MECOM: variants seen among roughly 807,000 people sequenced by gnomAD.
MECOM encodes MDS1 and EVI1 complex locus.
In MECOM, 13 loss-of-function variants were observed where a neutral mutation model predicts 116.3. That is an observed-to-expected ratio of 0.11 (90% confidence interval 0.07 to 0.18). The LOEUF is 0.18. MECOM is among the 10% of genes least tolerant of loss of function. The pLI is 1.00. For missense variants in MECOM, 1,299 were observed against 1,509.0 expected, an observed-to-expected ratio of 0.86 and a Z score of 2.31; for synonymous variants, 528 against 535.2, an observed-to-expected ratio of 0.99 and a Z score of 0.19.
intron 2 of MECOM, among the ~76,000 whole-genome samples, chr3:169,337,770 C>T (rs1723817114): frequency 6.6e-6 from 1 of 152,158 alleles, no homozygotes; most frequent in African/African-American, 2.4e-5. Flanking sequence ...TTGCCCCCTG[C>T]TTGACCTCCA....
At position 169,233,641 on chromosome 3, in the gene MECOM, G is replaced by A. The variant is rs1033495202; in HGVS notation, c.376-89809C>T. ...AGCACTCTCTAAAGCTCACTCGACTGTCTTTTTTATTTCTCTGCCAGTGAA... is the reference window on the plus strand; with the variant it reads ...AGCACTCTCTAAAGCTCACTCGACTATCTTTTTTATTTCTCTGCCAGTGAA... On this transcript the variant is annotated intron_variant, in intron 2 of 16. Transcript: ENST00000651503. 2.0e-5 allele frequency among the ~76,000 whole-genome samples: 3 copies of A among 152,184 alleles called. No homozygotes were observed. In the East Asian group the frequency reaches 5.8e-4, roughly 29 times the overall value.
chr3:169,352,232 G>T (rs1726449279), intron 2 of MECOM, among the ~76,000 whole-genome samples: 1 of 151,838 alleles, frequency 6.6e-6, no homozygotes, highest in Admixed American at 6.6e-5. Flanking sequence ...AAATAATTGA[G>T]TTCTAATAGA....
chr3:169,093,134 G>C, intron 13 of MECOM, 32 bp from the exon 14 acceptor site: 1 of 1,551,808 alleles, frequency 6.4e-7, no homozygotes, highest in Non-Finnish European at 8.7e-7. Flanking sequence ...TTATGACAAA[G>C]ATTATTGTTT....
intron 1 of MECOM, among the ~76,000 whole-genome samples, chr3:169,408,937 A>G (rs1737134306): frequency 6.6e-6 from 1 of 152,228 alleles, no homozygotes; most frequent in Non-Finnish European, 1.5e-5. Context: ...CACAGCTAGC[A>G]TGGTGTTTCC....
At chr3:169,433,693 A>AAGAAAGAAAGAAAG (rs1560269065) in intron 1 of MECOM, among the ~76,000 whole-genome samples, 58 of 136,682 alleles carry the variant, frequency 4.2e-4, no homozygotes, top group East Asian at 8.6e-4. Flanking sequence ...AAGAAAGAGA[A>AAGAAAGAAAGAAAG]AGAAAGAAAA....
chr3:169,271,098 G>A (rs1016070861), intron 2 of MECOM, among the ~76,000 whole-genome samples: 3 of 152,150 alleles, frequency 2.0e-5, no homozygotes, highest in Admixed American at 2.0e-4. Flanking sequence ...AATTCCCATG[G>A]TATAACTATC....
intron 1 of MECOM, among the ~76,000 whole-genome samples, chr3:169,395,809 C>T (rs143184197): frequency 0.014 from 2,062 of 152,252 alleles, 22 homozygotes; most frequent in Middle Eastern, 0.041. Context: ...CTAGCCATAC[C>T]TTATAGATTG....
At chr3:169,417,795 A>G (rs901730808) in intron 1 of MECOM, among the ~76,000 whole-genome samples, 25 of 152,174 alleles carry the variant, frequency 1.6e-4, no homozygotes, top group African/African-American at 5.3e-4. Flanking sequence ...TGATGAGTTC[A>G]TGTCCTTTGT....
chr3:169,542,800 C>A (rs768451592), intron 1 of MECOM, among the ~76,000 whole-genome samples: 6 of 152,194 alleles, frequency 3.9e-5, no homozygotes, highest in Non-Finnish European at 8.8e-5. Flanking sequence ...CCCAATATTT[C>A]AGACATAAGT....
intron 2 of MECOM, among the ~76,000 whole-genome samples, chr3:169,223,011 T>C (rs1284859649): frequency 2.0e-5 from 3 of 152,170 alleles, no homozygotes; most frequent in Admixed American, 1.3e-4. Context: ...ATTCTGGACC[T>C]CAGTTTCCCC....
At chr3:169,147,310 G>A (rs1475444464) in intron 2 of MECOM, 1 of 985,464 alleles carries the variant, frequency 1.0e-6, no homozygotes. Flanking sequence ...GCGCCTTCGC[G>A]GGTCCTGGAC....
chr3:169,290,219 A>G (rs1714241857), intron 2 of MECOM, among the ~76,000 whole-genome samples: 1 of 152,186 alleles, frequency 6.6e-6, no homozygotes, highest in African/African-American at 2.4e-5. Context: ...GTCTCTGTAC[A>G]TTATGGGGCA....
chr3:169,560,630 A>G (rs1210842261), intron 1 of MECOM, among the ~76,000 whole-genome samples: 1 of 152,168 alleles, frequency 6.6e-6, no homozygotes, highest in Non-Finnish European at 1.5e-5. Flanking sequence ...GTTTAACAAT[A>G]AATGACAGAA....
intron 2 of MECOM, among the ~76,000 whole-genome samples, chr3:169,206,839 A>G (rs1410641161): frequency 1.3e-5 from 2 of 152,096 alleles, no homozygotes; most frequent in Admixed American, 1.3e-4. Context: ...GGCATAATAC[A>G]TAAAAAACAA....
chr3:169,338,502 G>A (rs16853535), intron 2 of MECOM, among the ~76,000 whole-genome samples: 4,636 of 152,130 alleles, frequency 0.03, 250 homozygotes, highest in African/African-American at 0.11. Flanking sequence ...GTGAACTGGG[G>A]CTATCAGAAA....
chr3:169,342,316 T>C (rs1393723676), intron 2 of MECOM, among the ~76,000 whole-genome samples: 1 of 151,940 alleles, frequency 6.6e-6, no homozygotes, highest in African/African-American at 2.4e-5. Context: ...TTTTGAATGG[T>C]TTTTAACTAC....
chr3:169,183,073 G>A (rs28458783), intron 2 of MECOM, among the ~76,000 whole-genome samples: 14,974 of 152,150 alleles, frequency 0.098, 801 homozygotes, highest in South Asian at 0.21. Context: ...AGATTATACT[G>A]TAGTACTTAT....
chr3:169,659,001 A>G (rs1775883273), intron 1 of MECOM, among the ~76,000 whole-genome samples: 1 of 151,916 alleles, frequency 6.6e-6, no homozygotes, highest in African/African-American at 2.4e-5. Flanking sequence ...CCCAACTTAC[A>G]AAAATAAAAT....
chr3:169,302,680 A>G (rs865814169), intron 2 of MECOM, among the ~76,000 whole-genome samples: 3 of 152,126 alleles, frequency 2.0e-5, no homozygotes, highest in Non-Finnish European at 1.5e-5. Flanking sequence ...CCTGGCCAAC[A>G]TGAGCAAACC....
Sources: allele counts gnomAD v4.1 joint callset (sites outside exome capture counted in the v4.1 genomes callset), GRCh38; gene constraint gnomAD v4.1.1; transcripts MANE v1.5; gene names NCBI Gene and HGNC (gene_info 2026-07-23, HGNC 2026-07-21).